MSI2: variants seen among roughly 807,000 people sequenced by gnomAD.
The protein encoded by MSI2 is musashi RNA binding protein 2.
In MSI2, 17 loss-of-function variants were observed where a neutral mutation model predicts 45.6. The observed-to-expected ratio is 0.37, with a 90% CI of 0.26 to 0.56. The LOEUF (loss-of-function observed/expected upper bound fraction) is 0.56, where lower values mean the gene tolerates loss of function less well. Among genes scored for constraint, MSI2 ranks in the 20% least tolerant of loss-of-function variants. The pLI is 0.77. For synonymous variants in MSI2, 156 were observed against 158.2 expected (o/e 0.99, Z 0.11); for missense variants, 293 against 444.2 (o/e 0.66, Z 3.06).
At chr17:57,346,095 C>G (rs1004457677) in intron 5 of MSI2, among the ~76,000 whole-genome samples, 3 of 152,166 alleles carry the variant, frequency 2.0e-5, no homozygotes, top group Non-Finnish European at 2.9e-5. Context: ...CTGTGATTTT[C>G]TCTATATCCA....
chr17:57,458,336 G>C (rs185904762), intron 6 of MSI2, among the ~76,000 whole-genome samples: 1 of 152,188 alleles, frequency 6.6e-6, no homozygotes, highest in Admixed American at 6.5e-5. Context: ...TCTTGACCTC[G>C]TGATCCACCC....
At chr17:57,530,195 T>C (rs1346347468) in intron 7 of MSI2, among the ~76,000 whole-genome samples, 3 of 152,192 alleles carry the variant, frequency 2.0e-5, no homozygotes, top group African/African-American at 4.8e-5. Flanking sequence ...TTGGGAATGC[T>C]CCGTGGGGCC....
intron 6 of MSI2, among the ~76,000 whole-genome samples, chr17:57,446,729 A>C (rs1049675485): frequency 6.6e-6 from 1 of 152,230 alleles, no homozygotes; most frequent in African/African-American, 2.4e-5. Flanking sequence ...TCTGGGAATA[A>C]AAAGCAGGGG....
intron 6 of MSI2, among the ~76,000 whole-genome samples, chr17:57,471,996 G>A (rs1213901266): frequency 2.0e-5 from 3 of 148,122 alleles, no homozygotes; most frequent in Non-Finnish European, 4.5e-5. Context: ...GAGGAGCAGA[G>A]GGGCTGAGGA....
At chr17:57,593,291 A>T (rs1466451567) in intron 7 of MSI2, among the ~76,000 whole-genome samples, 2 of 152,190 alleles carry the variant, frequency 1.3e-5, no homozygotes, top group African/African-American at 4.8e-5. Context: ...TGGCTGCCGT[A>T]ACAAATTACC....
intron 6 of MSI2, among the ~76,000 whole-genome samples, chr17:57,441,859 C>A (rs1041486583): frequency 6.6e-6 from 1 of 152,108 alleles, no homozygotes; most frequent in Non-Finnish European, 1.5e-5. Context: ...ATGATGCCTG[C>A]AGGGGTTTCT....
At chr17:57,420,254 G>A (rs1411579728) in intron 6 of MSI2, among the ~76,000 whole-genome samples, 1 of 152,192 alleles carries the variant, frequency 6.6e-6, no homozygotes, top group Non-Finnish European at 1.5e-5. Context: ...GCCAACTTTG[G>A]AATGAATCAT....
At chr17:57,440,526 G>A (rs2084781173) in intron 6 of MSI2, among the ~76,000 whole-genome samples, 1 of 149,652 alleles carries the variant, frequency 6.7e-6, no homozygotes, top group South Asian at 2.2e-4. Flanking sequence ...AGGTTAAGAG[G>A]AGGCTCATAT....
At chr17:57,549,162 G>A (rs143392345) in intron 7 of MSI2, among the ~76,000 whole-genome samples, 73 of 152,270 alleles carry the variant, frequency 4.8e-4, no homozygotes, top group Non-Finnish European at 8.1e-4. Context: ...GGCGTGAGCC[G>A]CCGGGCGCCG....
chr17:57,578,665 G>A (rs1232161621), intron 7 of MSI2, among the ~76,000 whole-genome samples: 1 of 152,106 alleles, frequency 6.6e-6, no homozygotes, highest in African/African-American at 2.4e-5. Flanking sequence ...CCTAATGAGA[G>A]CTTTGGGGCA....
chr17:57,494,164 G>A (rs1224986047), intron 6 of MSI2, among the ~76,000 whole-genome samples: 1 of 152,210 alleles, frequency 6.6e-6, no homozygotes, highest in Non-Finnish European at 1.5e-5. Context: ...TTCAACAACA[G>A]AGTCATAATT....
downstream of MSI2, among the ~76,000 whole-genome samples, chr17:57,688,392 T>C (rs1294316588): frequency 4.6e-5 from 7 of 152,000 alleles, no homozygotes; most frequent in Admixed American, 3.3e-4. Flanking sequence ...CACTCAGTAA[T>C]GGAAATAGGA....
At chr17:57,484,134 G>C (rs931636510) in intron 6 of MSI2, among the ~76,000 whole-genome samples, 3 of 152,214 alleles carry the variant, frequency 2.0e-5, no homozygotes, top group African/African-American at 7.2e-5. Flanking sequence ...TCAGGCTGTT[G>C]GCTGAGAGGC....
chr17:57,293,351 G>A (rs543790222), intron 5 of MSI2, among the ~76,000 whole-genome samples: 2 of 152,198 alleles, frequency 1.3e-5, no homozygotes, highest in South Asian at 4.2e-4. Flanking sequence ...GGGAGGCGGG[G>A]AGGCTCCTGG....
chr17:57,275,812 C>G (rs1346915580), intron 5 of MSI2, among the ~76,000 whole-genome samples: 1 of 152,144 alleles, frequency 6.6e-6, no homozygotes, highest in Non-Finnish European at 1.5e-5. Flanking sequence ...AGGGAAAAAG[C>G]CATATTTGCT....
At chr17:57,543,471 G>T (rs1159952309) in intron 7 of MSI2, among the ~76,000 whole-genome samples, 3 of 152,250 alleles carry the variant, frequency 2.0e-5, no homozygotes, top group East Asian at 3.8e-4. Context: ...AGTATTTAAA[G>T]TGCCTATGCA....
intron 5 of MSI2, among the ~76,000 whole-genome samples, chr17:57,288,365 G>T (rs772171650): frequency 6.6e-6 from 1 of 152,164 alleles, no homozygotes; most frequent in Non-Finnish European, 1.5e-5. Context: ...TTACTGCTTT[G>T]GACCGAGAGG....
intron 6 of MSI2, among the ~76,000 whole-genome samples, chr17:57,495,868 G>A (rs1314387440): frequency 1.3e-5 from 2 of 152,156 alleles, no homozygotes; most frequent in East Asian, 1.9e-4. Flanking sequence ...TTTTGTATGT[G>A]GGAACGCAGA....
intron 7 of MSI2, among the ~76,000 whole-genome samples, chr17:57,588,882 T>C (rs1029659565): frequency 6.6e-6 from 1 of 152,126 alleles, no homozygotes; most frequent in Non-Finnish European, 1.5e-5. Flanking sequence ...GAACACAGGG[T>C]CCCACTGGGG....
Sources: gnomAD v4.1 joint callset for allele counts (sites outside exome capture counted in the v4.1 genomes callset) on GRCh38, gnomAD v4.1.1 for gene constraint, MANE v1.5 for transcripts, NCBI Gene and HGNC (gene_info 2026-07-23, HGNC 2026-07-21) for gene names.